The following EIF4G2 variants were observed in gnomAD, a reference collection of about 807,000 sequenced individuals.
EIF4G2 encodes the protein DAP-5.
Under a neutral mutation model 117.7 loss-of-function variants are expected in EIF4G2, and 8 were observed. The observed-to-expected ratio is 0.07, with a 90% CI of 0.04 to 0.12. EIF4G2 has a LOEUF of 0.12. Among genes scored for constraint, EIF4G2 ranks in the 10% least tolerant of loss-of-function variants. The pLI, the probability that EIF4G2 is intolerant of heterozygous loss-of-function variation, is 1.00. For missense variants in EIF4G2, 812 were observed against 1,086.2 expected, an observed-to-expected ratio of 0.75 and a Z score of 3.55; for synonymous variants, 413 against 367.8, an observed-to-expected ratio of 1.12 and a Z score of -1.41.
chr11:10,805,301 A>G (rs1467056700), intron 4 of EIF4G2, among the ~76,000 whole-genome samples: 8 of 152,198 alleles, frequency 5.3e-5, no homozygotes, highest in Admixed American at 5.2e-4. Flanking sequence ...ACCATGAACT[A>G]AGACCATTAT....
chr11:10,807,379 T>C lies in EIF4G2; in HGVS notation c.-84A>G. 2.5e-6 allele frequency: 4 copies of C among 1,597,082 alleles called. No individual in the cohort carries two copies. Among genetic ancestry groups the C allele is most frequent in the East Asian group, 2.2e-5 (1 of 44,766 alleles). ...AGGGGAGGGGACAGGAGAAATGAAATACCTGGAACGAGAAAGAGCACCAAA... is the reference window on the plus strand; with the variant it reads ...AGGGGAGGGGACAGGAGAAATGAAACACCTGGAACGAGAAAGAGCACCAAA... On this transcript the variant is annotated splice_region_variant and 5_prime_UTR_variant, in exon 2 of 22. Transcript: ENST00000339995.
At chr11:10,801,564 C>T (rs1339077295) in intron 14 of EIF4G2, 97 bp downstream of exon 14, 1 of 1,073,354 alleles carries the variant, frequency 9.3e-7, no homozygotes, top group Non-Finnish European at 1.4e-6. Flanking sequence ...AGAACTCCAG[C>T]ATAAAGTCCT....
At chr11:10,801,806 TAA>T in intron 13 of EIF4G2, 32 bp from the exon 14 acceptor site, 1 of 1,588,510 alleles carries the variant, frequency 6.3e-7, no homozygotes, top group Non-Finnish European at 8.6e-7. Context: ...AAAGTCTAGA[TAA>T]AAAGGGGTCC....
In EIF4G2 at chr11:10,802,204, C is replaced by T. The variant is rs1417294254; in HGVS notation, c.1144G>A (p.Gly382Arg). 3.1e-6 allele frequency: 5 copies of T among 1,613,838 alleles called. No individual in the cohort carries two copies. Among genetic ancestry groups the T allele is most frequent in the Non-Finnish European group, 3.4e-6 (4 of 1,179,964 alleles). Residue 382 changes from glycine (G) to arginine (R), a missense_variant, in exon 13 of 22, where the codon GGA (glycine) becomes AGA (arginine). By Grantham distance (125) the Gly-to-Arg change is moderately radical. Around this residue, in one of 4 missense-constraint regions of EIF4G2, gnomAD observed 571 missense variants for 642.3 expected, o/e 0.89. Coordinates refer to ENST00000339995, the MANE Select transcript of EIF4G2 (RefSeq NM_001418.4). The stretch of plus-strand genomic sequence containing the variant: ...ATAACTCCTGGACCAGTACCAATTC[C>T]GCTACCTTAAAATACATATACGGAC...
At position 10,807,574 on chromosome 11, in the gene EIF4G2, T is replaced by C. The variant is rs967040296; in HGVS notation, c.-86-193A>G. 8 of 1,245,888 alleles carry C rather than the reference T, an allele frequency of 6.4e-6. No individual in the cohort carries two copies. In the African/African-American group the frequency reaches 1.2e-4, roughly 19 times the overall value. The allele number at this position is 1,245,888 out of a possible 1,614,324, so 77.2% of individuals were successfully genotyped here. A position where few individuals can be genotyped will look rare whatever the true frequency, so the allele number is the denominator to read the frequency against. The stretch of plus-strand genomic sequence containing the variant: ...CTGGAAATTCCCCGGTGTTCAAGGA[T>C]GCAAAGAGACTTCGTAGAACACAAG... On this transcript the variant is annotated intron_variant, in intron 1 of 21. Transcript: ENST00000339995.
rs1183593589 is a variant in EIF4G2 at position 10,808,211 on chromosome 11, G to A, written c.-87+494C>T. 4.4e-6 allele frequency: 5 copies of A among 1,134,056 alleles called. No individual in the cohort carries two copies. The African/African-American group carries it at 8.6e-5, about 20-fold the overall frequency. The allele number at this position is 1,134,056 out of a possible 1,614,324, so 70.2% of individuals were successfully genotyped here. A position where few individuals can be genotyped will look rare whatever the true frequency, so the allele number is the denominator to read the frequency against. ...GCCTCCTCTGCTGACAAAAGGGGCA[G>A]AAATCATCACTCTCTCTTTCCTCCC... is the stretch of plus-strand genomic sequence containing the variant. On this transcript the variant is annotated intron_variant, in intron 1 of 21. Transcript: ENST00000339995.
At position 10,800,652 on chromosome 11, in the gene EIF4G2, G is replaced by C; in HGVS notation, c.1645-5C>G. On this transcript the variant is annotated splice_region_variant and splice_polypyrimidine_tract_variant and intron_variant, in intron 16 of 21. Coordinates refer to ENST00000339995, the MANE Select transcript of EIF4G2 (RefSeq NM_001418.4). The stretch of plus-strand genomic sequence containing the variant: ...ATATTCAGTCACAACAGTTTCCTGT[G>C]AAGAACACAAGTATCTTTAATGTAT... 2 of 1,613,994 alleles carry C rather than the reference G, an allele frequency of 1.2e-6. No homozygotes were observed. The highest frequency in any genetic ancestry group is 1.7e-6 in the Non-Finnish European group (2 of 1,179,972).
At position 10,803,132 on chromosome 11, in the gene EIF4G2, T is replaced by C. The variant is rs369166650; in HGVS notation, c.898-4A>G. ...GTTCTCGCAACTCTACGGTATCCTT[T>C]AATTGAAAAATAATTTTATTTTAAT... is the stretch of plus-strand genomic sequence containing the variant. On this transcript the variant is annotated splice_polypyrimidine_tract_variant and splice_region_variant and intron_variant, in intron 10 of 21. Coordinates refer to ENST00000339995, the MANE Select transcript of EIF4G2 (RefSeq NM_001418.4). This position sits in a 1 kb window ranked among gnomAD's most constrained non-coding sequence, Gnocchi z 4.0. 2.1e-4 allele frequency: 331 copies of C among 1,605,234 alleles called. 4 individuals are homozygous for C. The South Asian group carries it at 3.5e-3, about 17-fold the overall frequency.
chr11:10,801,576 T>C (rs1460880388), intron 14 of EIF4G2, 85 bp downstream of exon 14: 93 of 1,223,252 alleles, frequency 7.6e-5, no homozygotes, highest in Non-Finnish European at 9.7e-6. Context: ...TAAAGTCCTC[T>C]TAATAACGCG....
rs1847678169 is a variant in EIF4G2, at chr11:10,808,903, A to C, written c.-285T>G. The C allele has an allele frequency of 6.4e-6, 1 of 156,110 alleles. No individual in the cohort carries two copies. The highest frequency in any genetic ancestry group is 2.4e-5 in the African/African-American group (1 of 41,482). 9.7% of individuals were successfully genotyped at this position (156,110 alleles called of 1,614,324 possible). A position where few individuals can be genotyped will look rare whatever the true frequency, so the allele number is the denominator to read the frequency against. ...CCACTCGGTACCCGCTGCCACCTCCATAGAGCTCCGACTCACTGCTGGCGC... is the reference window on the plus strand; with the variant it reads ...CCACTCGGTACCCGCTGCCACCTCCCTAGAGCTCCGACTCACTGCTGGCGC... On this transcript the variant is annotated 5_prime_UTR_variant, in exon 1 of 22. The change abolishes an upstream ATG in the 5' untranslated region. Coordinates refer to ENST00000339995, the MANE Select transcript of EIF4G2 (RefSeq NM_001418.4).
chr11:10,803,786 T>TA lies in EIF4G2; in HGVS notation c.702+112dup. On this transcript the variant is annotated intron_variant, in intron 8 of 21. Coordinates refer to ENST00000339995, the MANE Select transcript of EIF4G2 (RefSeq NM_001418.4). The surrounding 1 kb of genome is among the most constrained non-coding windows in gnomAD (Gnocchi z 4.0). ...ACGTATTTCAAATTATTCTGTTTAGTAAATTTTGTTGCACATCTGTATTTA... is the reference window on the plus strand; with the variant it reads ...ACGTATTTCAAATTATTCTGTTTAGTAAAATTTTGTTGCACATCTGTATTTA... 1 of 1,349,988 alleles carries TA rather than the reference T, an allele frequency of 7.4e-7. No homozygotes were observed. Among genetic ancestry groups the TA allele is most frequent in the South Asian group, 1.4e-5 (1 of 73,230 alleles). 83.6% of individuals were successfully genotyped at this position (1,349,988 alleles called of 1,614,324 possible). A position where few individuals can be genotyped will look rare whatever the true frequency, so the allele number is the denominator to read the frequency against.
intron 13 of EIF4G2, 36 bp downstream of exon 13, chr11:10,802,013 A>G (rs753310866): frequency 1.7e-4 from 4 of 23,930 alleles, no homozygotes; most frequent in Non-Finnish European, 3.0e-4. Context: ...GTTGCAGATA[A>G]GGTTTAGAAA....
At chr11:10,805,738 C>G (rs936381694) in intron 4 of EIF4G2, among the ~76,000 whole-genome samples, 169 bp downstream of exon 4, 2 of 152,078 alleles carry the variant, frequency 1.3e-5, no homozygotes, top group African/African-American at 4.8e-5. Flanking sequence ...CAGGCGTGAG[C>G]CACAGTGCCT....
chr11:10,801,452 C>G (rs200741182), intron 14 of EIF4G2: 25 of 710,106 alleles, frequency 3.5e-5, no homozygotes, highest in Middle Eastern at 6.7e-4. Flanking sequence ...CTTGCTCTAA[C>G]AGACTTTAGG....
intron 1 of EIF4G2, chr11:10,808,292 C>T: frequency 3.3e-6 from 4 of 1,216,640 alleles, no homozygotes; most frequent in Non-Finnish European, 4.2e-6. Flanking sequence ...CGCCGGGAGG[C>T]CAGGCTCCGG....
chr11:10,801,293 T>C (rs1847409106), intron 14 of EIF4G2: 2 of 648,012 alleles, frequency 3.1e-6, no homozygotes, highest in Admixed American at 3.0e-5. Context: ...GATACTATTA[T>C]AAATCTTACA....
rs1847479426 is a variant in EIF4G2 at position 10,803,341 on chromosome 11, T to C, written c.814-47A>G. On this transcript the variant is annotated intron_variant, in intron 9 of 21. Transcript: ENST00000339995. This position sits in a 1 kb window ranked among gnomAD's most constrained non-coding sequence, Gnocchi z 4.0. ...CATTGGAAGAGCTAAAGCAAATGTG[T>C]TCAATTTACAGCTTTAAGACTTCTA... The C allele has an allele frequency of 1.3e-6, 2 of 1,599,964 alleles. No individual in the cohort carries two copies. The highest frequency in any genetic ancestry group is 1.7e-6 in the Non-Finnish European group (2 of 1,170,352).
At chr11:10,807,207 T>G in intron 2 of EIF4G2, 48 bp downstream of exon 2, 1 of 1,578,360 alleles carries the variant, frequency 6.3e-7, no homozygotes, top group African/African-American at 1.4e-5. Flanking sequence ...AACTACTTTT[T>G]GAGACTGGCC....
At chr11:10,804,793 C>G in intron 5 of EIF4G2, 120 bp downstream of exon 5, 1 of 767,936 alleles carries the variant, frequency 1.3e-6, no homozygotes, top group Non-Finnish European at 2.2e-6. Context: ...TTCAAAAATA[C>G]ATACCTATCT....
Sources: gnomAD v4.1 joint callset for allele counts (sites outside exome capture counted in the v4.1 genomes callset) on GRCh38, gnomAD v4.1.1 for gene constraint, gnomAD v4.1.1 regional missense constraint, Gnocchi (gnomAD v3.1) non-coding constraint, MANE v1.5 for transcripts, NCBI Gene and HGNC (gene_info 2026-07-23, HGNC 2026-07-21) for gene names.